ERI1: variants seen among roughly 807,000 people sequenced by gnomAD.
ERI1 encodes the protein 3'-5' exoribonuclease 1.
A neutral mutation model predicts 39.7 loss-of-function variants in ERI1; 39 were observed. That is an observed-to-expected ratio of 0.98 (90% CI 0.76 to 1.28). The LOEUF (loss-of-function observed/expected upper bound fraction) is 1.28. Among genes scored for constraint, ERI1 ranks in the 50% most tolerant of loss-of-function variants. ERI1 has a pLI of 0.00. For synonymous variants in ERI1, 204 were observed against 149.6 expected (o/e 1.36, Z -2.65); for missense variants, 581 against 416.9 (o/e 1.39, Z -3.43).
chr8:9,003,261 G>A lies in ERI1; in HGVS notation c.108+90G>A, dbSNP rs1815568153. 7 of 788,442 alleles carry A rather than the reference G, an allele frequency of 8.9e-6. No individual in the cohort carries two copies. In the East Asian group the frequency reaches 1.0e-4, roughly 11 times the overall value. The allele number at this position is 788,442 out of a possible 1,614,324, so 48.8% of individuals were successfully genotyped here. On this transcript the variant is annotated intron_variant, in intron 1 of 6. Coordinates refer to ENST00000250263, the MANE Select transcript of ERI1 (RefSeq NM_153332.4). ...CCCCTTTCTTCTCAGGTGTCCCGCA[G>A]AAGGTGCAGCTGTGCGCCCTTGGAC...
intron 3 of ERI1, among the ~76,000 whole-genome samples, chr8:9,084,468 A>G (rs921427537): frequency 6.6e-6 from 1 of 152,124 alleles, no homozygotes; most frequent in African/African-American, 2.4e-5. Flanking sequence ...ATCATTGTGT[A>G]GTTGCCTGCC....
At position 9,059,124 on chromosome 8, in the gene ERI1, G is replaced by T. The variant is rs1216248920; in HGVS notation, n.299+38660G>T. On this transcript the variant is annotated intron_variant and non_coding_transcript_variant, in intron 3 of 3. Coordinates refer to the ERI1 transcript ENST00000518663. ...GGGGGTCATAAGGTGCTCAGTAGGG[G>T]AGCTTCTGAGCCAGGATGAGCCAGG... Among the ~76,000 whole-genome samples the T allele has an allele frequency of 3.3e-5, 5 of 152,210 alleles. No homozygotes were observed. In the South Asian group the frequency reaches 6.2e-4, roughly 19 times the overall value.
At chr8:9,067,926 AC>A (rs1269546969) in intron 3 of ERI1, among the ~76,000 whole-genome samples, 53 of 147,332 alleles carry the variant, frequency 3.6e-4, no homozygotes, top group African/African-American at 1.2e-3. Context: ...CTACAAATAC[AC>A]ACACACACAC....
At chr8:9,081,679 CTTT>C (rs759165633) in intron 3 of ERI1, among the ~76,000 whole-genome samples, 2 of 113,806 alleles carry the variant, frequency 1.8e-5, no homozygotes, top group African/African-American at 4.0e-5. Flanking sequence ...TCTTCTTCTT[CTTT>C]TGTTTTTGTT....
intron 6 of ERI1, among the ~76,000 whole-genome samples, chr8:9,021,780 T>G (rs1336542249): frequency 2.0e-5 from 3 of 146,760 alleles, no homozygotes; most frequent in South Asian, 2.1e-4. Context: ...TTTTGTTTTT[T>G]TTTTTTTTTC....
Position 9,002,977 on chromosome 8 carries a change from C to A in ERI1, c.-87C>A. The stretch of plus-strand genomic sequence containing the variant: ...GAACGCGAGCCCGGTAATTTTTCAA[C>A]GGAGAAAGGCGAGGCTTTCGGGCTC... On this transcript the variant is annotated 5_prime_UTR_variant, in exon 1 of 7. Transcript: ENST00000250263. 1 of 976,216 alleles carries A rather than the reference C, an allele frequency of 1.0e-6. No homozygotes were observed. The highest frequency in any genetic ancestry group is 1.3e-6 in the Non-Finnish European group (1 of 749,868). 60.5% of individuals were successfully genotyped at this position (976,216 alleles called of 1,614,324 possible).
chr8:9,069,887 G>C (rs535689605), intron 3 of ERI1, among the ~76,000 whole-genome samples: 1 of 152,156 alleles, frequency 6.6e-6, no homozygotes, highest in Non-Finnish European at 1.5e-5. Flanking sequence ...GGAATTTGCA[G>C]GTTTTAGAAA....
At position 9,020,301 on chromosome 8, in the gene ERI1, A is replaced by C. The variant is rs924270486; in HGVS notation, c.693-49A>C. The C allele has an allele frequency of 9.2e-6, 9 of 981,312 alleles. No homozygotes were observed. The Admixed American group carries it at 1.3e-4, about 14-fold the overall frequency. The allele number at this position is 981,312 out of a possible 1,614,324, so 60.8% of individuals were successfully genotyped here. A position where few individuals can be genotyped will look rare whatever the true frequency, so the allele number is the denominator to read the frequency against. On this transcript the variant is annotated intron_variant, in intron 5 of 6. Transcript: ENST00000250263. ...TGATTTAAAATACTCATTTGTAAGAATAGCATAGCGTTTATTTCATCAATT... is the reference window on the plus strand; with the variant it reads ...TGATTTAAAATACTCATTTGTAAGACTAGCATAGCGTTTATTTCATCAATT...
At position 9,018,334 on chromosome 8, in the gene ERI1, T is replaced by C; in HGVS notation, c.620T>C (p.Leu207Pro). The change falls in exon 5 of 7, where the codon CTA becomes CCA. Residue 207 changes from leucine to proline, a missense_variant. Coordinates refer to ENST00000250263, the MANE Select transcript of ERI1 (RefSeq NM_153332.4). Reference protein sequence around the residue: ...VDRADTFPQVLKKVIDWMKLK... With the variant: ...VDRADTFPQVPKKVIDWMKLK... ...AGAGCTGATACCTTCCCTCAGGTAC[T>C]AAAAAAAGTAATTGACTGGATGAAA... The C allele has an allele frequency of 2.5e-6, 4 of 1,612,528 alleles. No homozygotes were observed. Among genetic ancestry groups the C allele is most frequent in the Non-Finnish European group, 3.4e-6 (4 of 1,178,814 alleles).
At chr8:9,052,485 C>T (rs536709753) in intron 3 of ERI1, among the ~76,000 whole-genome samples, 5 of 152,088 alleles carry the variant, frequency 3.3e-5, no homozygotes, top group Admixed American at 6.6e-5. Context: ...GGCAAGGTAC[C>T]GTCACTGACA....
downstream of ERI1, among the ~76,000 whole-genome samples, chr8:9,033,923 A>G (rs145989253): frequency 2.6e-3 from 396 of 152,362 alleles, no homozygotes; most frequent in African/African-American, 9.2e-3. Flanking sequence ...TCAGGAGGTA[A>G]TTTGATGTTC....
chr8:9,061,882 G>A (rs1379659436), intron 3 of ERI1, among the ~76,000 whole-genome samples: 1 of 151,680 alleles, frequency 6.6e-6, no homozygotes, highest in Non-Finnish European at 1.5e-5. Flanking sequence ...GCGAAGAGAG[G>A]CTGGGATGAA....
downstream of ERI1, among the ~76,000 whole-genome samples, chr8:9,036,480 G>A (rs1797848440): frequency 6.6e-6 from 1 of 152,042 alleles, no homozygotes; most frequent in Non-Finnish European, 1.5e-5. Flanking sequence ...AATCTTTAAG[G>A]TATATATGTA....
chr8:9,085,808 C>T (rs192779583), intron 3 of ERI1, among the ~76,000 whole-genome samples: 1 of 152,134 alleles, frequency 6.6e-6, no homozygotes, highest in African/African-American at 2.4e-5. Context: ...GATTGGTGTC[C>T]ATAAAATGGT....
chr8:9,077,929 T>C (rs1355581186), intron 3 of ERI1, among the ~76,000 whole-genome samples: 1 of 152,212 alleles, frequency 6.6e-6, no homozygotes, highest in Non-Finnish European at 1.5e-5. Flanking sequence ...CGCTGCTTTC[T>C]TCCTGTGTTC....
chr8:9,062,841 G>A (rs1798750210), intron 3 of ERI1: 1 of 152,002 alleles, frequency 6.6e-6, no homozygotes, highest in African/African-American at 2.4e-5. Context: ...CGTGGCTTAG[G>A]AGGAATCCCG....
chr8:9,045,425 C>T (rs1010483929), intron 3 of ERI1, among the ~76,000 whole-genome samples: 7 of 151,910 alleles, frequency 4.6e-5, no homozygotes, highest in African/African-American at 1.5e-4. Context: ...GAATAGATAG[C>T]TTAATAGGCA....
intron 3 of ERI1, among the ~76,000 whole-genome samples, chr8:9,099,447 T>G (rs1024473183): frequency 2.1e-5 from 3 of 140,754 alleles, no homozygotes; most frequent in African/African-American, 9.5e-5. Context: ...AATAAAAAAT[T>G]AGCCAGGTGT....
chr8:9,061,799 C>G (rs2979255), intron 3 of ERI1, among the ~76,000 whole-genome samples: 2 of 148,028 alleles, frequency 1.4e-5, no homozygotes, highest in African/African-American at 2.5e-5. Context: ...GGGTGCTGTC[C>G]GTGAAGTTTT....
Sources: gnomAD v4.1 joint callset for allele counts (sites outside exome capture counted in the v4.1 genomes callset) on GRCh38, gnomAD v4.1.1 for gene constraint, MANE v1.5 for transcripts, NCBI Gene and HGNC (gene_info 2026-07-23, HGNC 2026-07-21) for gene names.